Variants in CLCA1 observed in about 807,000 individuals in gnomAD.
CLCA1 encodes calcium-activated chloride channel regulator 1.
Under a neutral mutation model 85.6 loss-of-function variants are expected in CLCA1, and 59 were observed. The observed-to-expected ratio is 0.69, with a 90% CI of 0.56 to 0.86. CLCA1 has a LOEUF of 0.86. Ranked by LOEUF, CLCA1 falls within the 40% of genes least tolerant of loss-of-function variation. The pLI, the probability that CLCA1 is intolerant of heterozygous loss-of-function variation, is 0.00. For synonymous variants in CLCA1, 396 were observed against 398.3 expected, an observed-to-expected ratio of 0.99 and a Z score of 0.07; for missense variants, 1,022 against 1,101.4, an observed-to-expected ratio of 0.93 and a Z score of 1.02.
At chr1:86,499,321 A>C (rs1389864931) in intron 13 of CLCA1, among the ~76,000 whole-genome samples, 1 of 152,248 alleles carries the variant, frequency 6.6e-6, no homozygotes, top group Non-Finnish European at 1.5e-5. Flanking sequence ...ATTGGTGCAA[A>C]CTGCCTCTAT....
intron 9 of CLCA1, 42 bp from the exon 10 acceptor site, chr1:86,493,342 G>A: frequency 2.7e-6 from 4 of 1,482,350 alleles, no homozygotes; most frequent in Middle Eastern, 4.5e-4. Flanking sequence ...CATGTGATGG[G>A]AGCTGTATTC....
intron 3 of CLCA1, 97 bp downstream of exon 3, chr1:86,473,973 G>T: frequency 1.2e-6 from 1 of 815,920 alleles, no homozygotes. Context: ...GCATGTATAA[G>T]CCAAACAATT....
chr1:86,473,153 C>A (rs962061112), intron 1 of CLCA1, among the ~76,000 whole-genome samples: 1 of 152,044 alleles, frequency 6.6e-6, no homozygotes, highest in African/African-American at 2.4e-5. Flanking sequence ...TAGAAATTGC[C>A]GAATGTCCCA....
chr1:86,499,917 G>C lies in CLCA1; in HGVS notation c.2617G>C (p.Glu873Gln). The C allele has an allele frequency of 6.2e-7, 1 of 1,614,074 alleles. No individual in the cohort carries two copies. The change falls in exon 14 of 14, where the codon GAG becomes CAG. Residue 873 changes from glutamate to glutamine, a missense_variant. Glu to Gln is a conservative substitution (Grantham distance 29). Coordinates refer to ENST00000394711, the MANE Select transcript of CLCA1 (RefSeq NM_001285.4). ...SLFIPPQTPP[E>Q]TPSPDETSAP... ...GTTTATTCCTCCACAGACTCCGCCAGAGACACCTAGTCCTGATGAAACGTC... is the reference window on the plus strand; with the variant it reads ...GTTTATTCCTCCACAGACTCCGCCACAGACACCTAGTCCTGATGAAACGTC...
chr1:86,499,975 C>T lies in CLCA1; in HGVS notation c.2675C>T (p.Thr892Ile). 1.9e-6 allele frequency: 3 copies of T among 1,612,124 alleles called. No homozygotes were observed. Among genetic ancestry groups the T allele is most frequent in the Non-Finnish European group, 2.5e-6 (3 of 1,178,228 alleles). The change falls in exon 14 of 14, where the codon ACC becomes ATC. Residue 892 changes from threonine (T) to isoleucine (I), a missense_variant. Thr to Ile is a moderately conservative substitution (Grantham distance 89). Transcript: ENST00000394711. The part of the protein sequence containing the change: ...APCPNIHINS[T>I]IPGIHILKIM... ...TGTCCTAATATTCATATCAACAGCACCATTCCTGGCATTCACATTTTAAAA... is the reference window on the plus strand; with the variant it reads ...TGTCCTAATATTCATATCAACAGCATCATTCCTGGCATTCACATTTTAAAA...
intron 8 of CLCA1, 89 bp downstream of exon 8, chr1:86,489,259 T>C: frequency 1.6e-6 from 2 of 1,269,744 alleles, no homozygotes; most frequent in Non-Finnish European, 2.2e-6. Context: ...AAAGATGGGA[T>C]GGAGAGAGAT....
chr1:86,492,912 G>C, intron 9 of CLCA1, among the ~76,000 whole-genome samples: 1 of 152,180 alleles, frequency 6.6e-6, no homozygotes, highest in Non-Finnish European at 1.5e-5. Flanking sequence ...GATGAATGTC[G>C]AAGGATTGAT....
intron 4 of CLCA1, among the ~76,000 whole-genome samples, chr1:86,477,566 C>G (rs1230098103): frequency 1.3e-5 from 2 of 152,096 alleles, no homozygotes; most frequent in Admixed American, 6.5e-5. Context: ...AACTCAGATA[C>G]TAAAACCTGA....
At chr1:86,488,277 T>C (rs941356448) in intron 7 of CLCA1, among the ~76,000 whole-genome samples, 1 of 152,194 alleles carries the variant, frequency 6.6e-6, no homozygotes, top group Non-Finnish European at 1.5e-5. Flanking sequence ...TGCTTTCTCT[T>C]CTTAAATAGA....
chr1:86,478,378 G>A (rs1209168326), intron 4 of CLCA1, among the ~76,000 whole-genome samples: 1 of 151,028 alleles, frequency 6.6e-6, no homozygotes, highest in African/African-American at 2.4e-5. Context: ...AGTGAGCCGA[G>A]ATCACACCAC....
At chr1:86,499,503 C>T (rs1197304940) in intron 13 of CLCA1, 151 bp from the exon 14 acceptor site, 6 of 574,978 alleles carry the variant, frequency 1.0e-5, no homozygotes, top group African/African-American at 1.9e-5. Flanking sequence ...TAAACAGGAC[C>T]ATCAGTTCAT....
At chr1:86,471,157 A>G (rs1486948306) in intron 1 of CLCA1, among the ~76,000 whole-genome samples, 4 of 149,544 alleles carry the variant, frequency 2.7e-5, no homozygotes, top group Non-Finnish European at 6.0e-5. Context: ...GCACGTCAGA[A>G]GGTACACAGT....
In CLCA1 at chr1:86,495,494, T is replaced by C. The variant is rs747549930; in HGVS notation, c.1943-11T>C. 6.2e-7 allele frequency: 1 copy of C among 1,602,484 alleles called. No homozygotes were observed. Among genetic ancestry groups the C allele is most frequent in the Non-Finnish European group, 8.5e-7 (1 of 1,170,918 alleles). On this transcript the variant is annotated splice_polypyrimidine_tract_variant and intron_variant, in intron 11 of 13. Coordinates refer to ENST00000394711, the MANE Select transcript of CLCA1 (RefSeq NM_001285.4). ...GTTACCTATTTATTAATTCCTTCAT[T>C]CTTTATCAAGGTGCTGATGCTACTA... is the stretch of plus-strand genomic sequence containing the variant.
chr1:86,478,724 G>T (rs897668273), intron 4 of CLCA1, among the ~76,000 whole-genome samples: 1 of 152,220 alleles, frequency 6.6e-6, no homozygotes, highest in Non-Finnish European at 1.5e-5. Context: ...TTCTAGAAAT[G>T]AGTACATATA....
At chr1:86,476,723 A>T (rs1647646370) in intron 4 of CLCA1, among the ~76,000 whole-genome samples, 170 bp downstream of exon 4, 1 of 152,068 alleles carries the variant, frequency 6.6e-6, no homozygotes, top group East Asian at 1.9e-4. Context: ...TTACTTTACA[A>T]GTGCTTCAGT....
intron 12 of CLCA1, 41 bp downstream of exon 12, chr1:86,495,716 A>ACC (rs777485056): frequency 1.3e-6 from 2 of 1,555,200 alleles, no homozygotes; most frequent in South Asian, 2.4e-5. Flanking sequence ...GTGCAAAAGC[A>ACC]TTGGTTTCAA....
rs1374437628 is a variant in CLCA1, at chr1:86,499,576, A to AT, written c.2354-72dup. On this transcript the variant is annotated intron_variant, in intron 13 of 13. Transcript: ENST00000394711. ...CATAGACTTTTAAAGCTTTTTAAATATTTTTTAAAGCTCTACTGCTTAAGA... is the reference window on the plus strand; with the variant it reads ...CATAGACTTTTAAAGCTTTTTAAATATTTTTTTAAAGCTCTACTGCTTAAGA... 1.4e-5 allele frequency: 13 copies of AT among 944,476 alleles called. No individual in the cohort carries two copies. The South Asian group carries it at 2.0e-4, about 14-fold the overall frequency. 58.5% of individuals were successfully genotyped at this position (944,476 alleles called of 1,614,324 possible).
intron 9 of CLCA1, among the ~76,000 whole-genome samples, chr1:86,492,938 T>C (rs1648174442): frequency 1.3e-5 from 2 of 152,122 alleles, no homozygotes; most frequent in Non-Finnish European, 2.9e-5. Context: ...TAAAATCCTA[T>C]AGGAGATCAG....
chr1:86,479,018 T>C (rs1647750648), intron 4 of CLCA1, among the ~76,000 whole-genome samples: 1 of 152,174 alleles, frequency 6.6e-6, no homozygotes, highest in Non-Finnish European at 1.5e-5. Context: ...ATCACAATTA[T>C]TCAATCTTGC....
Sources: gnomAD v4.1 joint callset for allele counts (sites outside exome capture counted in the v4.1 genomes callset) on GRCh38, gnomAD v4.1.1 for gene constraint, MANE v1.5 for transcripts, NCBI Gene and HGNC (gene_info 2026-07-23, HGNC 2026-07-21) for gene names.